The following MACROD1 variants were observed in gnomAD, a reference collection of about 807,000 sequenced individuals.
MACROD1 encodes mono-ADP ribosylhydrolase 1, also known as ADP-ribose glycohydrolase MACROD1.
MACROD1 carries 31 observed loss-of-function variants against 41.4 expected under a neutral mutation model. The ratio of observed to expected loss-of-function variants is 0.75; its 90% CI spans 0.56 to 1.01. The LOEUF (loss-of-function observed/expected upper bound fraction) is 1.01, where lower values mean the gene tolerates loss of function less well. Among genes scored for constraint, MACROD1 ranks in the 50% least tolerant of loss-of-function variants. The pLI, the probability that MACROD1 is intolerant of heterozygous loss-of-function variation, is 0.00. For synonymous variants in MACROD1, 252 were observed against 203.4 expected (o/e 1.24, Z -2.03); for missense variants, 473 against 460.0 (o/e 1.03, Z -0.26).
chr11:64,062,465 C>T (rs1222772503), intron 3 of MACROD1, among the ~76,000 whole-genome samples: 1 of 152,224 alleles, frequency 6.6e-6, no homozygotes, highest in South Asian at 2.1e-4. Context: ...TCACACAGGG[C>T]TGCAGGAAGC....
intron 3 of MACROD1, among the ~76,000 whole-genome samples, chr11:64,022,741 A>C: frequency 6.6e-6 from 1 of 152,142 alleles, no homozygotes; most frequent in African/African-American, 2.4e-5. Flanking sequence ...AGGGCGGCCC[A>C]GGTGGAAGGT....
intron 3 of MACROD1, among the ~76,000 whole-genome samples, chr11:64,027,712 G>T (rs918284274): frequency 1.3e-5 from 2 of 151,974 alleles, no homozygotes; most frequent in African/African-American, 2.4e-5. Context: ...TGACCGCTTT[G>T]AACACTTCCC....
chr11:64,159,080 G>T (rs1349980801), intron 1 of MACROD1, among the ~76,000 whole-genome samples: 1 of 152,030 alleles, frequency 6.6e-6, no homozygotes, highest in African/African-American at 2.4e-5. Flanking sequence ...CCAGCACTTT[G>T]GGAGGCTGAG....
chr11:64,069,224 G>A (rs991946736), intron 3 of MACROD1, among the ~76,000 whole-genome samples: 1 of 152,204 alleles, frequency 6.6e-6, no homozygotes, highest in African/African-American at 2.4e-5. Context: ...CCCGAGGTGG[G>A]CGCCTTCACC....
chr11:64,057,671 A>G (rs1390315901), intron 3 of MACROD1, among the ~76,000 whole-genome samples: 1 of 152,194 alleles, frequency 6.6e-6, no homozygotes, highest in Non-Finnish European at 1.5e-5. Flanking sequence ...CAGGGTCCCC[A>G]GGGTGTCTGC....
intron 3 of MACROD1, among the ~76,000 whole-genome samples, chr11:64,086,194 G>A (rs926499170): frequency 6.6e-6 from 1 of 152,182 alleles, no homozygotes; most frequent in African/African-American, 2.4e-5. Flanking sequence ...CCCAGGGCTG[G>A]AGTGGGGAGG....
Position 64,151,252 on chromosome 11 carries a change from G to C in MACROD1, c.504C>G (p.Ala168=). Residue 168 remains alanine, a synonymous_variant, in exon 3 of 11, where the codon GCC becomes GCG. Coordinates refer to ENST00000255681, the MANE Select transcript of MACROD1 (RefSeq NM_014067.4). ...CCAGCCACTCACCGGCGTTGACGAT[G>C]GCGTCCACCTCCAGCTTGGTGATGT... The part of the protein sequence containing the change: ...RSDITKLEVD[A]IVNAANSSLL... 6.2e-7 allele frequency: 1 copy of C among 1,613,398 alleles called. No homozygotes were observed. The highest frequency in any genetic ancestry group is 8.5e-7 in the Non-Finnish European group (1 of 1,179,960).
intron 3 of MACROD1, among the ~76,000 whole-genome samples, chr11:64,095,764 C>A (rs975393689): frequency 6.6e-6 from 1 of 152,210 alleles, no homozygotes; most frequent in Non-Finnish European, 1.5e-5. Context: ...AGCACTAGCA[C>A]GGAGCCCTTG....
At chr11:64,081,681 G>A (rs1473445123) in intron 3 of MACROD1, 2 of 152,172 alleles carry the variant, frequency 1.3e-5, no homozygotes, top group Non-Finnish European at 2.9e-5. Flanking sequence ...TTTTCTGCTT[G>A]AACCATGCAG....
intron 3 of MACROD1, among the ~76,000 whole-genome samples, chr11:64,026,768 C>T (rs768437732): frequency 2.6e-4 from 40 of 152,212 alleles, no homozygotes; most frequent in South Asian, 1.5e-3. Context: ...TCTTTCATGC[C>T]CCAGGGCCTT....
At chr11:64,099,053 G>C (rs1944626728) in intron 3 of MACROD1, among the ~76,000 whole-genome samples, 1 of 152,228 alleles carries the variant, frequency 6.6e-6, no homozygotes. Flanking sequence ...GAAGCCCTGA[G>C]TGCCAAGGGT....
chr11:64,085,416 G>A (rs1331393305), intron 3 of MACROD1, among the ~76,000 whole-genome samples: 3 of 152,238 alleles, frequency 2.0e-5, no homozygotes, highest in South Asian at 2.1e-4. Flanking sequence ...GACGGAGGGC[G>A]GGGGAGACTG....
chr11:64,053,673 C>T (rs1340190425), intron 3 of MACROD1, among the ~76,000 whole-genome samples: 3 of 152,180 alleles, frequency 2.0e-5, no homozygotes, highest in Non-Finnish European at 2.9e-5. Context: ...GCAGGTGTGA[C>T]TGCCTGGGGG....
rs773842328 is a variant in MACROD1 at position 63,998,984 on chromosome 11, C to T, written c.944G>A (p.Arg315Gln). ...GGGGAAGTAGTGGGGGAGCCGGCTC[C>T]GGTAGATGTCCTCGTCCTTCTCGAG... ...VFLEKDEDIY[R>Q]SRLPHYFPVA The change falls in exon 9 of 11, where the codon CGG (arginine) becomes CAG (glutamine). Residue 315 changes from arginine (R) to glutamine (Q), a missense_variant. Coordinates refer to ENST00000255681, the MANE Select transcript of MACROD1 (RefSeq NM_014067.4). 3.1e-6 allele frequency: 5 copies of T among 1,608,042 alleles called. No individual in the cohort carries two copies. Among genetic ancestry groups the T allele is most frequent in the East Asian group, 2.2e-5 (1 of 44,696 alleles).
At position 64,078,113 on chromosome 11, in the gene MACROD1, G is replaced by A. The variant is rs150786652; in HGVS notation, c.518-62832C>T. Among the ~76,000 whole-genome samples the A allele has an allele frequency of 2.5e-3, 379 of 152,288 alleles. 1 individual carries two copies. Among genetic ancestry groups the A allele is most frequent in the African/African-American group, 8.7e-3 (363 of 41,568 alleles). On this transcript the variant is annotated intron_variant, in intron 3 of 10. Coordinates refer to ENST00000255681, the MANE Select transcript of MACROD1 (RefSeq NM_014067.4). Reference sequence around the variant, plus strand: ...ACTGCCCTGCGCACCTGCCGGCTTGGGGCTGCAGGCAGCACTCCTTTCCTT... The same window carrying A: ...ACTGCCCTGCGCACCTGCCGGCTTGAGGCTGCAGGCAGCACTCCTTTCCTT...
At chr11:64,085,821 G>A (rs1288071521) in intron 3 of MACROD1, among the ~76,000 whole-genome samples, 2 of 152,206 alleles carry the variant, frequency 1.3e-5, no homozygotes, top group African/African-American at 4.8e-5. Flanking sequence ...GGGAATAACA[G>A]CATCCCCAGC....
At chr11:64,053,743 G>A (rs1372749710) in intron 3 of MACROD1, among the ~76,000 whole-genome samples, 1 of 152,284 alleles carries the variant, frequency 6.6e-6, no homozygotes, top group Admixed American at 6.5e-5. Flanking sequence ...CGCTCTCTGG[G>A]ACTGCTGGGC....
intron 3 of MACROD1, among the ~76,000 whole-genome samples, chr11:64,085,487 G>A (rs1003339766): frequency 2.0e-5 from 3 of 152,222 alleles, no homozygotes; most frequent in Admixed American, 6.5e-5. Flanking sequence ...TGGGGCGGCC[G>A]GCTTAGCTGG....
At chr11:64,008,636 C>G (rs1158606786) in intron 4 of MACROD1, among the ~76,000 whole-genome samples, 1 of 152,158 alleles carries the variant, frequency 6.6e-6, no homozygotes, top group African/African-American at 2.4e-5. Flanking sequence ...CCTAGCTTCT[C>G]TTGGGCGGTG....
Sources: allele counts gnomAD v4.1 joint callset (sites outside exome capture counted in the v4.1 genomes callset), GRCh38; gene constraint gnomAD v4.1.1; transcripts MANE v1.5; gene names NCBI Gene and HGNC (gene_info 2026-07-23, HGNC 2026-07-21).